The following SNX29 variants were observed in gnomAD, a reference collection of about 807,000 sequenced individuals.
SNX29 encodes the protein sorting nexin-29.
A neutral mutation model predicts 102.1 loss-of-function variants in SNX29; 78 were observed. That is an observed-to-expected ratio of 0.76 (90% CI 0.64 to 0.92). The LOEUF (loss-of-function observed/expected upper bound fraction) is 0.92. Among genes scored for constraint, SNX29 ranks in the 40% least tolerant of loss-of-function variants. The probability of loss-of-function intolerance (pLI) is 0.00; values close to 1 mark genes in which losing one functional copy is unlikely to be tolerated. For missense variants in SNX29, 1,280 were observed against 1,061.7 expected, an observed-to-expected ratio of 1.21 and a Z score of -2.86; for synonymous variants, 580 against 414.5, an observed-to-expected ratio of 1.40 and a Z score of -4.85.
chr16:12,534,707 C>T (rs2077023667), intron 20 of SNX29, among the ~76,000 whole-genome samples: 1 of 152,216 alleles, frequency 6.6e-6, no homozygotes, highest in African/African-American at 2.4e-5. Flanking sequence ...TTGGCGTTGC[C>T]ACTCCCCTGT....
intron 18 of SNX29, among the ~76,000 whole-genome samples, chr16:12,455,006 C>T (rs931219490): frequency 3.9e-5 from 6 of 152,190 alleles, no homozygotes; most frequent in Admixed American, 3.9e-4. Flanking sequence ...CCTCGGCCTC[C>T]CAAAGTGCTG....
At chr16:12,561,087 T>C in intron 20 of SNX29, 1 of 225,634 alleles carries the variant, frequency 4.4e-6, no homozygotes, top group Non-Finnish European at 8.8e-6. Context: ...TCAGCATAGT[T>C]CACAGTGGAA....
intron 14 of SNX29, among the ~76,000 whole-genome samples, chr16:12,249,826 G>A (rs527776594): frequency 6.6e-6 from 1 of 152,338 alleles, no homozygotes; most frequent in Non-Finnish European, 1.5e-5. Context: ...GTGCTGAGCT[G>A]TCCCGGCCCC....
chr16:12,079,437 G>A (rs577685277), intron 11 of SNX29, among the ~76,000 whole-genome samples: 58 of 152,240 alleles, frequency 3.8e-4, no homozygotes, highest in African/African-American at 1.3e-3. Flanking sequence ...GGGTGCTCCT[G>A]GTATCTCACT....
At chr16:12,445,808 A>G (rs2086021517) in intron 18 of SNX29, among the ~76,000 whole-genome samples, 1 of 152,070 alleles carries the variant, frequency 6.6e-6, no homozygotes, top group South Asian at 2.1e-4. Context: ...GATATTAACC[A>G]ATTCAAGCCT....
intron 15 of SNX29, among the ~76,000 whole-genome samples, chr16:12,313,909 T>C (rs1011783439): frequency 6.6e-6 from 1 of 152,258 alleles, no homozygotes; most frequent in Non-Finnish European, 1.5e-5. Context: ...AAAACAACCA[T>C]CTGGCTGTTA....
intron 3 of SNX29, among the ~76,000 whole-genome samples, chr16:12,020,163 C>T (rs2056976167): frequency 6.6e-6 from 1 of 151,728 alleles, no homozygotes; most frequent in Non-Finnish European, 1.5e-5. Context: ...TGTTCTGTCA[C>T]CCATGCTAAA....
At chr16:12,511,644 TTTATTTTCTGTTCTAACA>T (rs1221865306) in intron 19 of SNX29, among the ~76,000 whole-genome samples, 2 of 152,182 alleles carry the variant, frequency 1.3e-5, no homozygotes, top group African/African-American at 4.8e-5. Context: ...GCGATCAGGT[TTTATTTTCTGTTCTAACA>T]TTTAGCAGTT....
intron 18 of SNX29, among the ~76,000 whole-genome samples, chr16:12,420,690 A>G (rs932292421): frequency 1.3e-5 from 2 of 152,240 alleles, no homozygotes; most frequent in African/African-American, 4.8e-5. Flanking sequence ...ATGAGATGAT[A>G]GAGGTAAAGC....
intron 1 of SNX29, among the ~76,000 whole-genome samples, chr16:11,987,496 G>A (rs1172742117): frequency 1.3e-5 from 2 of 150,584 alleles, no homozygotes; most frequent in Non-Finnish European, 2.9e-5. Context: ...TCCTGGGTTC[G>A]AGTAATTCTC....
intron 18 of SNX29, among the ~76,000 whole-genome samples, chr16:12,476,135 A>G (rs921907541): frequency 2.0e-5 from 3 of 151,450 alleles, no homozygotes; most frequent in Non-Finnish European, 2.9e-5. Flanking sequence ...AGCCTGACCA[A>G]CATGGCAAAA....
intron 11 of SNX29, among the ~76,000 whole-genome samples, chr16:12,091,349 CTA>C (rs908792564): frequency 4.6e-5 from 7 of 152,124 alleles, no homozygotes; most frequent in African/African-American, 1.7e-4. Context: ...GTCCCCTTTG[CTA>C]TAGACTGAAT....
intron 10 of SNX29, among the ~76,000 whole-genome samples, chr16:12,076,024 G>A (rs927437678): frequency 1.3e-5 from 2 of 152,184 alleles, no homozygotes; most frequent in Admixed American, 6.5e-5. Context: ...TCGGAAAAGC[G>A]CAGTATTTGG....
At chr16:12,487,879 C>G (rs556927194) in intron 19 of SNX29, among the ~76,000 whole-genome samples, 1 of 152,066 alleles carries the variant, frequency 6.6e-6, no homozygotes, top group Non-Finnish European at 1.5e-5. Context: ...ATGTATTAAT[C>G]GAGAAGAAGA....
rs2088781002 is a variant in SNX29 at position 12,495,566 on chromosome 16, A to G, written c.2178+17707A>G. Reference sequence around the variant, plus strand: ...TTTTTTTGTTTTATAGCATTAGCACATTTTATGAACATAGTTATTTGCTTA... The same window carrying G: ...TTTTTTTGTTTTATAGCATTAGCACGTTTTATGAACATAGTTATTTGCTTA... On this transcript the variant is annotated intron_variant, in intron 19 of 20. Transcript: ENST00000566228. 2.0e-5 allele frequency among the ~76,000 whole-genome samples: 3 copies of G among 152,296 alleles called. No homozygotes were observed. The South Asian group carries it at 6.2e-4, about 32-fold the overall frequency.
chr16:12,073,301 G>A (rs562461851), intron 10 of SNX29, among the ~76,000 whole-genome samples: 1,679 of 151,908 alleles, frequency 0.011, 29 homozygotes, highest in African/African-American at 0.038. Flanking sequence ...TTTCTCTTGT[G>A]GGCATTTAGT....
intron 15 of SNX29, among the ~76,000 whole-genome samples, chr16:12,337,238 G>T (rs1371759327): frequency 1.3e-5 from 2 of 152,156 alleles, no homozygotes; most frequent in East Asian, 1.9e-4. Flanking sequence ...CTCCACAGTT[G>T]CTGGAGATAG....
intron 15 of SNX29, among the ~76,000 whole-genome samples, chr16:12,282,110 G>T (rs1669104003): frequency 1.7e-5 from 2 of 117,146 alleles, no homozygotes; most frequent in Non-Finnish European, 1.8e-5. Context: ...AAAAAAAAAT[G>T]CAGAGCTGGA....
At chr16:12,282,900 G>T (rs1156342246) in intron 15 of SNX29, among the ~76,000 whole-genome samples, 1 of 152,130 alleles carries the variant, frequency 6.6e-6, no homozygotes, top group Non-Finnish European at 1.5e-5. Context: ...TAGGTGATCC[G>T]CCTGCCTTGG....
Sources: gnomAD v4.1 joint callset for allele counts (sites outside exome capture counted in the v4.1 genomes callset) on GRCh38, gnomAD v4.1.1 for gene constraint, MANE v1.5 for transcripts, NCBI Gene and HGNC (gene_info 2026-07-23, HGNC 2026-07-21) for gene names.